TNS3: variants seen among roughly 807,000 people sequenced by gnomAD.
TNS3 encodes tensin 3.
Under a neutral mutation model 140.9 loss-of-function variants are expected in TNS3, and 45 were observed. The observed-to-expected ratio is 0.32, with a 90% CI of 0.25 to 0.41. The LOEUF is 0.41. TNS3 is among the 10% of genes least tolerant of loss of function. TNS3 has a pLI of 1.00. For synonymous variants in TNS3, 815 were observed against 788.4 expected (o/e 1.03, Z -0.56); for missense variants, 1,716 against 1,906.7 (o/e 0.90, Z 1.86).
intron 20 of TNS3, among the ~76,000 whole-genome samples, chr7:47,309,164 G>C (rs1175910807): frequency 1.3e-5 from 2 of 152,148 alleles, no homozygotes; most frequent in African/African-American, 2.4e-5. Context: ...CCATTGGCTT[G>C]GAAGCCATTA....
intron 1 of TNS3, among the ~76,000 whole-genome samples, chr7:47,558,226 T>G (rs1239192547): frequency 6.6e-6 from 1 of 152,186 alleles, no homozygotes; most frequent in African/African-American, 2.4e-5. Flanking sequence ...TTTGCCGTCC[T>G]GATAAGAGCA....
chr7:47,550,670 AAAG>A (rs1800036463), intron 1 of TNS3, among the ~76,000 whole-genome samples: 1 of 152,228 alleles, frequency 6.6e-6, no homozygotes, highest in South Asian at 2.1e-4. Flanking sequence ...CCATGCCTGG[AAAG>A]ATCTACGTGG....
rs1307062034 is a variant in TNS3, at chr7:47,439,909, G to A, written c.-22-251C>T. Among the ~76,000 whole-genome samples the A allele has an allele frequency of 2.6e-5, 4 of 152,212 alleles. No individual in the cohort carries two copies. In the South Asian group the frequency reaches 6.2e-4, roughly 24 times the overall value. On this transcript the variant is annotated intron_variant, in intron 5 of 30. Transcript: ENST00000311160. ...ACGGGGTACCGCAAGCTGCGGTCAGGGAACGCACAGAGAGAAAGCAACTCA... is the reference window on the plus strand; with the variant it reads ...ACGGGGTACCGCAAGCTGCGGTCAGAGAACGCACAGAGAGAAAGCAACTCA...
chr7:47,307,287 A>C (rs1786816454), intron 20 of TNS3, among the ~76,000 whole-genome samples: 2 of 152,218 alleles, frequency 1.3e-5, no homozygotes, highest in South Asian at 4.1e-4. Flanking sequence ...TTCACTTAAG[A>C]AATTATTTTG....
intron 1 of TNS3, among the ~76,000 whole-genome samples, chr7:47,530,838 A>AAAAAAATATAT: frequency 7.3e-5 from 4 of 54,566 alleles, no homozygotes; most frequent in African/African-American, 3.2e-4. Flanking sequence ...AAAAAAAAAA[A>AAAAAAATATAT]ATATATATAT....
At chr7:47,283,444 C>T (rs965128748) in intron 28 of TNS3, among the ~76,000 whole-genome samples, 3 of 152,154 alleles carry the variant, frequency 2.0e-5, no homozygotes, top group Non-Finnish European at 2.9e-5. Flanking sequence ...AATTTTAAAA[C>T]GCCAAACGTC....
At position 47,276,801 on chromosome 7, in the gene TNS3, C is replaced by A. The variant is rs1784887442; in HGVS notation, c.*1275G>T. 6.6e-6 allele frequency: 1 copy of A among 152,262 alleles called. No homozygotes were observed. The allele number at this position is 152,262 out of a possible 1,614,324, so 9.4% of individuals were successfully genotyped here. A position where few individuals can be genotyped will look rare whatever the true frequency, so the allele number is the denominator to read the frequency against. Reference sequence around the variant, plus strand: ...CAGCTTGTCAGTACCGGGGTTTCTTCTCTTTTTCCTCATCCTCCCTTCTGC... The same window carrying A: ...CAGCTTGTCAGTACCGGGGTTTCTTATCTTTTTCCTCATCCTCCCTTCTGC... On this transcript the variant is annotated 3_prime_UTR_variant, in exon 31 of 31. Coordinates refer to ENST00000311160, the MANE Select transcript of TNS3 (RefSeq NM_022748.12).
intron 6 of TNS3, among the ~76,000 whole-genome samples, chr7:47,437,695 T>G (rs117643933): frequency 0.04 from 5,978 of 149,734 alleles, 165 homozygotes; most frequent in Middle Eastern, 0.059. Flanking sequence ...TTTACTGTGT[T>G]ACTATTTTTT....
At chr7:47,470,181 A>G (rs2151735797) in intron 4 of TNS3, among the ~76,000 whole-genome samples, 1 of 152,214 alleles carries the variant, frequency 6.6e-6, no homozygotes, top group African/African-American at 2.4e-5. Context: ...GAACATAAAC[A>G]TGGGAACAGT....
intron 1 of TNS3, chr7:47,579,677 G>A (rs1169397871): frequency 1.5e-5 from 3 of 195,470 alleles, no homozygotes; most frequent in Non-Finnish European, 2.8e-5. Context: ...AAAGGAATGG[G>A]GCACATAGAG....
At chr7:47,559,413 G>A (rs1800277454) in intron 1 of TNS3, among the ~76,000 whole-genome samples, 1 of 152,158 alleles carries the variant, frequency 6.6e-6, no homozygotes. Flanking sequence ...AATAATGGGA[G>A]CGGGAGAATT....
At chr7:47,375,778 G>C (rs1014699867) in intron 16 of TNS3, among the ~76,000 whole-genome samples, 1 of 152,162 alleles carries the variant, frequency 6.6e-6, no homozygotes, top group African/African-American at 2.4e-5. Flanking sequence ...TCACACTTCA[G>C]CACCCTCCAT....
chr7:47,388,259 C>G (rs1272502462), intron 16 of TNS3, among the ~76,000 whole-genome samples: 1 of 152,180 alleles, frequency 6.6e-6, no homozygotes. Context: ...CACACACACA[C>G]TGCTGCTCAC....
intron 10 of TNS3, among the ~76,000 whole-genome samples, chr7:47,423,740 G>A (rs1331552183): frequency 2.6e-5 from 4 of 152,206 alleles, no homozygotes; most frequent in African/African-American, 4.8e-5. Context: ...TCTCTAGTCC[G>A]TTGCAGAGAT....
At chr7:47,286,041 C>T (rs1584314268) in intron 27 of TNS3, among the ~76,000 whole-genome samples, 1 of 152,152 alleles carries the variant, frequency 6.6e-6, no homozygotes, top group East Asian at 1.9e-4. Context: ...ACAGACTTCA[C>T]GAGAGGGACA....
At position 47,400,585 on chromosome 7, in the gene TNS3, T is replaced by C. The variant is rs1342007607; in HGVS notation, c.854-127A>G. 40 of 1,246,132 alleles carry C rather than the reference T, an allele frequency of 3.2e-5. No individual in the cohort carries two copies. The East Asian group carries it at 8.9e-4, about 28-fold the overall frequency. 77.2% of individuals were successfully genotyped at this position (1,246,132 alleles called of 1,614,324 possible). ...AATCTGCAATAAAGACACCCCATGA[T>C]ACAGAAAGTATAGGCAGTTTCATTG... is the stretch of plus-strand genomic sequence containing the variant. On this transcript the variant is annotated intron_variant, in intron 14 of 30. Transcript: ENST00000311160.
chr7:47,405,639 G>C (rs1391451694), intron 13 of TNS3: 1 of 701,220 alleles, frequency 1.4e-6, no homozygotes, highest in African/African-American at 1.7e-5. Context: ...TGACAGCATG[G>C]ATTAAGACCC....
chr7:47,396,660 G>A (rs1003453208), intron 16 of TNS3, 140 bp downstream of exon 16: 32 of 715,922 alleles, frequency 4.5e-5, no homozygotes, highest in South Asian at 6.5e-5. Context: ...TGTGTCACAC[G>A]AAGGTGTGAT....
intron 20 of TNS3, among the ~76,000 whole-genome samples, chr7:47,330,020 C>T (rs1413664233): frequency 1.3e-5 from 2 of 152,334 alleles, no homozygotes; most frequent in African/African-American, 2.4e-5. Flanking sequence ...TTCTCCTCAG[C>T]TGCAGTGCCA....
Sources: gnomAD v4.1 joint callset for allele counts (sites outside exome capture counted in the v4.1 genomes callset) on GRCh38, gnomAD v4.1.1 for gene constraint, MANE v1.5 for transcripts, NCBI Gene and HGNC (gene_info 2026-07-23, HGNC 2026-07-21) for gene names.